Variants in HS3ST5 observed in about 807,000 individuals in gnomAD.
The protein encoded by HS3ST5 is heparan sulfate-glucosamine 3-sulfotransferase 5, also known as heparan sulfate glucosamine 3-O-sulfotransferase 5.
Under a neutral mutation model 25.4 loss-of-function variants are expected in HS3ST5, and 10 were observed. The ratio of observed to expected loss-of-function variants is 0.39; its 90% CI spans 0.24 to 0.67. HS3ST5 has a LOEUF of 0.67. HS3ST5 is among the 30% of genes least tolerant of loss of function. The pLI, the probability that HS3ST5 is intolerant of heterozygous loss-of-function variation, is 0.44. For synonymous variants in HS3ST5, 170 were observed against 162.4 expected (o/e 1.05, Z -0.36); for missense variants, 324 against 420.7 (o/e 0.77, Z 2.01).
intron 3 of HS3ST5, among the ~76,000 whole-genome samples, chr6:114,155,807 C>T (rs941226112): frequency 3.3e-5 from 5 of 152,132 alleles, no homozygotes; most frequent in Non-Finnish European, 1.5e-5. Context: ...GTAATAAACA[C>T]ACCCTGTATT....
At chr6:114,245,241 G>C (rs1772323913) in intron 1 of HS3ST5, among the ~76,000 whole-genome samples, 1 of 152,108 alleles carries the variant, frequency 6.6e-6, no homozygotes, top group Admixed American at 6.5e-5. Context: ...AGATTAAAAA[G>C]ATAAATATGC....
intron 1 of HS3ST5, among the ~76,000 whole-genome samples, chr6:114,308,340 CTT>C (rs2114834198): frequency 6.6e-6 from 1 of 152,240 alleles, no homozygotes; most frequent in South Asian, 2.1e-4. Context: ...AATCCCAGCA[CTT>C]TGGGAGGCCG....
chr6:114,071,172 G>A (rs1773798955), intron 3 of HS3ST5, among the ~76,000 whole-genome samples: 1 of 152,160 alleles, frequency 6.6e-6, no homozygotes, highest in Admixed American at 6.5e-5. Context: ...TTCTTCTTAA[G>A]ATTTCCCTTG....
At chr6:114,312,543 A>G (rs1398195681) in intron 1 of HS3ST5, among the ~76,000 whole-genome samples, 5 of 152,182 alleles carry the variant, frequency 3.3e-5, no homozygotes, top group Non-Finnish European at 5.9e-5. Context: ...GAACTTCATT[A>G]AAGTTATAAT....
chr6:114,266,801 T>C (rs1303678635), intron 1 of HS3ST5, among the ~76,000 whole-genome samples: 1 of 152,194 alleles, frequency 6.6e-6, no homozygotes, highest in African/African-American at 2.4e-5. Flanking sequence ...TCTGATATTA[T>C]TAAAGTGGTT....
Position 114,056,845 on chromosome 6 carries a change from G to GAA in HS3ST5, c.*410_*411dup. ...AATTAAAGAGCCAGCTTTCCCTTAG[G>GAA]AAAAAAAAAATGCATCACTGGATCC... On this transcript the variant is annotated 3_prime_UTR_variant, in exon 5 of 5. Coordinates refer to ENST00000312719, the MANE Select transcript of HS3ST5 (RefSeq NM_153612.4). The GAA allele has an allele frequency of 6.5e-6, 1 of 152,910 alleles. No homozygotes were observed. Among genetic ancestry groups the GAA allele is most frequent in the Non-Finnish European group, 1.4e-5 (1 of 70,268 alleles). The allele number at this position is 152,910 out of a possible 1,614,324, so 9.5% of individuals were successfully genotyped here.
chr6:114,273,968 T>A (rs2114710139), intron 1 of HS3ST5, among the ~76,000 whole-genome samples: 1 of 151,812 alleles, frequency 6.6e-6, no homozygotes, highest in Admixed American at 6.6e-5. Flanking sequence ...ATGGAAGAAA[T>A]AACCATGTTT....
chr6:114,335,186 A>C (rs1776558753), intron 1 of HS3ST5, among the ~76,000 whole-genome samples: 1 of 152,082 alleles, frequency 6.6e-6, no homozygotes, highest in Non-Finnish European at 1.5e-5. Flanking sequence ...CAATTACCTC[A>C]TCTGTGAAAT....
intron 3 of HS3ST5, among the ~76,000 whole-genome samples, chr6:114,145,076 CT>C (rs1417256051): frequency 1.3e-5 from 2 of 152,192 alleles, no homozygotes; most frequent in African/African-American, 4.8e-5. Context: ...TTGATTTTTG[CT>C]GCTGACCTGA....
chr6:114,109,303 T>C (rs1315519735), intron 3 of HS3ST5, among the ~76,000 whole-genome samples: 3 of 152,140 alleles, frequency 2.0e-5, no homozygotes, highest in Admixed American at 1.3e-4. Flanking sequence ...TATGTATTAT[T>C]TTTTCATACC....
chr6:114,153,439 T>C (rs1778553631), intron 3 of HS3ST5, among the ~76,000 whole-genome samples: 1 of 152,256 alleles, frequency 6.6e-6, no homozygotes, highest in South Asian at 2.1e-4. Context: ...TCCACTCCTT[T>C]TTCCCACCTA....
chr6:114,249,099 C>G (rs1772522244), intron 1 of HS3ST5, among the ~76,000 whole-genome samples: 1 of 152,172 alleles, frequency 6.6e-6, no homozygotes, highest in South Asian at 2.1e-4. Context: ...GGCAATTTAA[C>G]CAATGAAATA....
chr6:114,162,900 T>C (rs562380693), intron 3 of HS3ST5, among the ~76,000 whole-genome samples: 1 of 152,318 alleles, frequency 6.6e-6, no homozygotes, highest in East Asian at 1.9e-4. Flanking sequence ...TACGTAACTT[T>C]GGCTTTTGTT....
At chr6:114,134,238 T>A (rs1041363990) in intron 3 of HS3ST5, among the ~76,000 whole-genome samples, 1 of 152,116 alleles carries the variant, frequency 6.6e-6, no homozygotes, top group African/African-American at 2.4e-5. Flanking sequence ...ACTTATGATA[T>A]CATGGAGTCA....
chr6:114,090,376 G>T (rs1775060736), intron 3 of HS3ST5, among the ~76,000 whole-genome samples: 1 of 152,092 alleles, frequency 6.6e-6, no homozygotes. Flanking sequence ...TTAACAAGGT[G>T]ACTTATTCTG....
intron 2 of HS3ST5, among the ~76,000 whole-genome samples, chr6:114,177,805 G>A (rs977656921): frequency 1.3e-5 from 2 of 152,150 alleles, no homozygotes; most frequent in African/African-American, 4.8e-5. Flanking sequence ...AACAAACTCT[G>A]TAAAATTATA....
chr6:114,302,035 A>G (rs1232113293), intron 1 of HS3ST5, among the ~76,000 whole-genome samples: 1 of 152,210 alleles, frequency 6.6e-6, no homozygotes, highest in African/African-American at 2.4e-5. Context: ...TGCAAATCAT[A>G]CTGTCTGCTG....
chr6:114,263,261 G>T (rs1406333032), intron 1 of HS3ST5, among the ~76,000 whole-genome samples: 1 of 151,864 alleles, frequency 6.6e-6, no homozygotes, highest in Admixed American at 6.6e-5. Context: ...AATGTTTCAA[G>T]ATTTTTATTA....
At chr6:114,141,188 C>T (rs139658493) in intron 3 of HS3ST5, among the ~76,000 whole-genome samples, 69 of 152,328 alleles carry the variant, frequency 4.5e-4, no homozygotes, top group African/African-American at 1.6e-3. Context: ...TCTCCACTTA[C>T]CCAGAAACCT....
Sources: allele counts gnomAD v4.1 joint callset (sites outside exome capture counted in the v4.1 genomes callset), GRCh38; gene constraint gnomAD v4.1.1; transcripts MANE v1.5; gene names NCBI Gene and HGNC (gene_info 2026-07-23, HGNC 2026-07-21).